MGAT4C: variants seen among roughly 807,000 people sequenced by gnomAD.
The protein encoded by MGAT4C is alpha-1,3-mannosyl-glycoprotein 4-beta-N-acetylglucosaminyltransferase C.
A neutral mutation model predicts 40.1 loss-of-function variants in MGAT4C; 19 were observed. The observed-to-expected ratio is 0.47, with a 90% CI of 0.33 to 0.70. The LOEUF is 0.70. MGAT4C is among the 30% of genes least tolerant of loss of function. The pLI, the probability that MGAT4C is intolerant of heterozygous loss-of-function variation, is 0.02. For synonymous variants in MGAT4C, 181 were observed against 187.1 expected (o/e 0.97, Z 0.27); for missense variants, 491 against 563.2 (o/e 0.87, Z 1.30).
intron 2 of MGAT4C, among the ~76,000 whole-genome samples, chr12:86,582,501 T>C (rs1465906372): frequency 6.6e-6 from 1 of 151,354 alleles, no homozygotes; most frequent in Non-Finnish European, 1.5e-5. Flanking sequence ...GTAAAATTCA[T>C]GAATGCAAAT....
chr12:86,282,898 C>A (rs1368638212), intron 4 of MGAT4C, among the ~76,000 whole-genome samples: 1 of 152,064 alleles, frequency 6.6e-6, no homozygotes, highest in Non-Finnish European at 1.5e-5. Context: ...TTTAGCAAAG[C>A]ATTTTGTTAT....
At chr12:86,819,874 T>C (rs1952676467) in intron 1 of MGAT4C, among the ~76,000 whole-genome samples, 1 of 129,226 alleles carries the variant, frequency 7.7e-6, no homozygotes, top group African/African-American at 2.5e-5. Context: ...TGGAGGGTAA[T>C]GCTTAATAAG....
intron 1 of MGAT4C, among the ~76,000 whole-genome samples, chr12:86,242,806 T>C (rs1325671193): frequency 2.6e-5 from 4 of 151,964 alleles, no homozygotes; most frequent in African/African-American, 9.7e-5. Context: ...TACACACACA[T>C]GTACACATAC....
intron 2 of MGAT4C, among the ~76,000 whole-genome samples, chr12:86,507,906 A>G (rs1325205109): frequency 3.3e-5 from 5 of 152,086 alleles, no homozygotes; most frequent in Admixed American, 2.0e-4. Context: ...TTGTGGTTCC[A>G]TACAAATTTT....
chr12:86,568,907 C>T (rs1960243754), intron 2 of MGAT4C, among the ~76,000 whole-genome samples: 1 of 151,790 alleles, frequency 6.6e-6, no homozygotes, highest in Non-Finnish European at 1.5e-5. Flanking sequence ...CCCAACTCCT[C>T]AGCTTATACA....
At chr12:86,302,827 C>T (rs1423653357) in intron 4 of MGAT4C, among the ~76,000 whole-genome samples, 2 of 150,580 alleles carry the variant, frequency 1.3e-5, no homozygotes, top group Non-Finnish European at 2.9e-5. Context: ...GACTGCCAGT[C>T]GACCAATGAT....
At chr12:86,362,839 C>G (rs1489463186) in intron 3 of MGAT4C, among the ~76,000 whole-genome samples, 1 of 138,850 alleles carries the variant, frequency 7.2e-6, no homozygotes, top group Non-Finnish European at 1.5e-5. Context: ...TGCACTCCCG[C>G]CTGGGTGACA....
chr12:86,722,365 A>C (rs1950751127), intron 2 of MGAT4C, among the ~76,000 whole-genome samples: 2 of 152,210 alleles, frequency 1.3e-5, no homozygotes, highest in African/African-American at 4.8e-5. Context: ...GTTGAGGCCC[A>C]TCCTGTAGAT....
rs1474499723 is a variant in MGAT4C at position 86,593,813 on chromosome 12, C to G, written c.-229+133396G>C. ...GTTGGGTGAGGTACTCCACAGATTT[C>G]CATTAAATGTAGTTGGTAGGGATTT... On this transcript the variant is annotated intron_variant, in intron 2 of 7. Coordinates refer to the MGAT4C transcript ENST00000548651. 3.9e-5 allele frequency among the ~76,000 whole-genome samples: 6 copies of G among 152,004 alleles called. No individual in the cohort carries two copies. In the East Asian group the frequency reaches 1.2e-3, roughly 29 times the overall value.
rs115198904 is a variant in MGAT4C, at chr12:86,346,906, C to T, written c.-119-12779G>A. On this transcript the variant is annotated intron_variant, in intron 3 of 7. Transcript: ENST00000548651. ...GAATAAGCAGACTTGCTGTGTCTTC[C>T]GGCCTTCATCATACTCCCATACTGG... is the stretch of plus-strand genomic sequence containing the variant. 8.2e-3 allele frequency among the ~76,000 whole-genome samples: 1,254 copies of T among 152,246 alleles called. 25 individuals carry two copies. Among genetic ancestry groups the T allele is most frequent in the African/African-American group, 0.029 (1,200 of 41,560 alleles).
chr12:86,181,119 T>A (rs1463797999), intron 1 of MGAT4C, among the ~76,000 whole-genome samples: 1 of 152,122 alleles, frequency 6.6e-6, no homozygotes, highest in Non-Finnish European at 1.5e-5. Flanking sequence ...GTTAATCAGG[T>A]GTTTCCACGT....
At chr12:86,388,426 C>A (rs182804656) in intron 3 of MGAT4C, among the ~76,000 whole-genome samples, 1 of 152,106 alleles carries the variant, frequency 6.6e-6, no homozygotes, top group Admixed American at 6.5e-5. Flanking sequence ...ATTAGAACTT[C>A]TTTTCATATG....
intron 1 of MGAT4C, among the ~76,000 whole-genome samples, chr12:86,765,204 A>C (rs1434524214): frequency 6.6e-6 from 1 of 152,224 alleles, no homozygotes; most frequent in Non-Finnish European, 1.5e-5. Context: ...AAGGCTCGAG[A>C]ACTACGTGAA....
chr12:86,354,912 A>G (rs961033730), intron 3 of MGAT4C, among the ~76,000 whole-genome samples: 7 of 152,222 alleles, frequency 4.6e-5, no homozygotes, highest in African/African-American at 1.7e-4. Context: ...GTGAAGAGCA[A>G]AAGAACAAAG....
chr12:86,106,836 G>A (rs180704594), intron 1 of MGAT4C, among the ~76,000 whole-genome samples: 11 of 152,250 alleles, frequency 7.2e-5, no homozygotes, highest in African/African-American at 2.6e-4. Context: ...GACCATGCTT[G>A]ATGTTGTATT....
intron 1 of MGAT4C, among the ~76,000 whole-genome samples, chr12:86,791,445 T>A (rs181083936): frequency 6.6e-6 from 1 of 151,808 alleles, no homozygotes; most frequent in Non-Finnish European, 1.5e-5. Context: ...TTTTTTTTTT[T>A]TTTTTTTCCT....
intron 2 of MGAT4C, among the ~76,000 whole-genome samples, chr12:86,633,756 G>T (rs1963133284): frequency 6.6e-6 from 1 of 151,936 alleles, no homozygotes; most frequent in Non-Finnish European, 1.5e-5. Context: ...AAACCTAATG[G>T]GTAAACTAGA....
At chr12:86,481,783 T>C (rs1174787006) in intron 2 of MGAT4C, among the ~76,000 whole-genome samples, 1 of 151,922 alleles carries the variant, frequency 6.6e-6, no homozygotes, top group Non-Finnish European at 1.5e-5. Context: ...TTTTTATTTA[T>C]TTTTCACTTT....
At chr12:86,203,296 G>A (rs879913581) in intron 1 of MGAT4C, among the ~76,000 whole-genome samples, 5 of 152,138 alleles carry the variant, frequency 3.3e-5, no homozygotes, top group Admixed American at 6.5e-5. Flanking sequence ...GGGTTCTTAC[G>A]TAAATTTCCA....
Sources: allele counts gnomAD v4.1 joint callset (sites outside exome capture counted in the v4.1 genomes callset), GRCh38; gene constraint gnomAD v4.1.1; transcripts MANE v1.5; gene names NCBI Gene and HGNC (gene_info 2026-07-23, HGNC 2026-07-21).